Variants in CBR4 observed in about 807,000 individuals in gnomAD.
CBR4 encodes 3-oxoacyl-[acyl-carrier-protein] reductase.
Under a neutral mutation model 21.0 loss-of-function variants are expected in CBR4, and 22 were observed. The observed-to-expected ratio is 1.05, with a 90% confidence interval of 0.75 to 1.50. CBR4 has a LOEUF of 1.50. Ranked by LOEUF, CBR4 falls within the 40% of genes most tolerant of loss-of-function variation. The pLI is 0.00. For synonymous variants in CBR4, 100 were observed against 104.4 expected (o/e 0.96, Z 0.26); for missense variants, 302 against 286.3 (o/e 1.05, Z -0.40).
chr4:168,894,570 G>T (rs368890611), exon 3 of CBR4: 1 of 1,590,448 alleles, frequency 6.3e-7, no homozygotes, highest in Non-Finnish European at 8.6e-7. Context: ...TGTGACTTAC[G>T]TTGTTTAGAG....
At position 168,967,683 on chromosome 4, in the gene CBR4, G is replaced by A. The variant is rs111826726; in HGVS notation, n.169+34388C>T. Among the ~76,000 whole-genome samples the A allele has an allele frequency of 5.8e-3, 887 of 152,274 alleles. 8 individuals carry two copies. The highest frequency in any genetic ancestry group is 5.8e-3 in the Admixed American group (89 of 15,292). Reference sequence around the variant, plus strand: ...TTAAAAATTGTGCAGCACACTAAAAGCCATTCAGTCTGTACTGGAGCAGGT... The same window carrying A: ...TTAAAAATTGTGCAGCACACTAAAAACCATTCAGTCTGTACTGGAGCAGGT... On this transcript the variant is annotated intron_variant and non_coding_transcript_variant, in intron 2 of 3. Transcript: ENST00000509108.
At chr4:168,941,121 G>A (rs184098561) in intron 2 of CBR4, among the ~76,000 whole-genome samples, 17 of 152,236 alleles carry the variant, frequency 1.1e-4, no homozygotes, top group African/African-American at 3.6e-4. Context: ...ACTCATAAGT[G>A]GGAGTTGAAA....
At chr4:168,935,145 G>T (rs540285497) in intron 2 of CBR4, among the ~76,000 whole-genome samples, 3 of 152,310 alleles carry the variant, frequency 2.0e-5, no homozygotes, top group African/African-American at 7.2e-5. Context: ...GCAGGGTGGG[G>T]TGTCACCTCA....
chr4:168,900,722 T>A (rs1756327996), intron 2 of CBR4, among the ~76,000 whole-genome samples: 1 of 152,200 alleles, frequency 6.6e-6, no homozygotes, highest in African/African-American at 2.4e-5. Flanking sequence ...ATGGGATTTT[T>A]AAAATAAACT....
chr4:168,985,130 T>G (rs1206773783), downstream of CBR4, among the ~76,000 whole-genome samples: 1 of 151,994 alleles, frequency 6.6e-6, no homozygotes, highest in African/African-American at 2.4e-5. Context: ...AATGGGAGAA[T>G]ATATTTGCAA....
rs1211860401 is a variant in CBR4, at chr4:169,010,220, A to T, written c.-131T>A. On this transcript the variant is annotated 5_prime_UTR_variant, in exon 1 of 5. Coordinates refer to ENST00000306193, the MANE Select transcript of CBR4 (RefSeq NM_032783.5). ...AAAAAGGCAAACCGCAAAAAAAAAT[A>T]ACGCCGCTCGACACCTCCTGCAGCC... 1.8e-5 allele frequency: 14 copies of T among 791,184 alleles called. No individual in the cohort carries two copies. The highest frequency in any genetic ancestry group is 3.5e-5 in the African/African-American group (2 of 56,580). The allele number at this position is 791,184 out of a possible 1,614,324, so 49.0% of individuals were successfully genotyped here. A position where few individuals can be genotyped will look rare whatever the true frequency, so the allele number is the denominator to read the frequency against.
chr4:168,988,078 A>G lies in CBR4; in HGVS notation c.*2072T>C. On this transcript the variant is annotated 3_prime_UTR_variant, in exon 5 of 5. Coordinates refer to ENST00000306193, the MANE Select transcript of CBR4 (RefSeq NM_032783.5). ...CAGAATAGCAGATTTTAAAAAATGAATTCACTGAGGTTCTTAAACCTCTGA... is the reference window on the plus strand; with the variant it reads ...CAGAATAGCAGATTTTAAAAAATGAGTTCACTGAGGTTCTTAAACCTCTGA... 1.0e-6 allele frequency: 1 copy of G among 985,384 alleles called. No individual in the cohort carries two copies. Among genetic ancestry groups the G allele is most frequent in the Non-Finnish European group, 1.2e-6 (1 of 829,854 alleles). The allele number at this position is 985,384 out of a possible 1,614,324, so 61.0% of individuals were successfully genotyped here. A position where few individuals can be genotyped will look rare whatever the true frequency, so the allele number is the denominator to read the frequency against.
At chr4:168,936,486 C>T (rs560870551) in intron 2 of CBR4, among the ~76,000 whole-genome samples, 32 of 152,128 alleles carry the variant, frequency 2.1e-4, no homozygotes, top group Middle Eastern at 6.8e-3. Flanking sequence ...CAAACTCCTC[C>T]GAGCTGAAGG....
At chr4:168,926,639 GT>G (rs1461410430) in intron 2 of CBR4, 2 of 388,316 alleles carry the variant, frequency 5.2e-6, no homozygotes, top group African/African-American at 4.0e-5. Flanking sequence ...TGTGATTAAA[GT>G]GATCAAAATG....
intron 2 of CBR4, among the ~76,000 whole-genome samples, chr4:168,917,772 A>G (rs1230049567): frequency 6.6e-6 from 1 of 152,192 alleles, no homozygotes; most frequent in Non-Finnish European, 1.5e-5. Flanking sequence ...GTATAAATAC[A>G]CAAATTGTGT....
At chr4:168,904,905 T>C (rs1238231084) in intron 2 of CBR4, among the ~76,000 whole-genome samples, 1 of 151,992 alleles carries the variant, frequency 6.6e-6, no homozygotes. Flanking sequence ...GGCAGGTGGA[T>C]TGCCTCAGCC....
At chr4:169,000,338 T>A (rs935904405) in intron 4 of CBR4, among the ~76,000 whole-genome samples, 5 of 151,366 alleles carry the variant, frequency 3.3e-5, no homozygotes, top group African/African-American at 1.2e-4. Context: ...TTATCAAATA[T>A]TCATAGATTT....
intron 1 of CBR4, 138 bp from the exon 2 acceptor site, chr4:169,007,894 G>T: frequency 1.9e-6 from 1 of 515,160 alleles, no homozygotes; most frequent in Non-Finnish European, 3.2e-6. Flanking sequence ...ATGTCATGAG[G>T]CCTGGCTTTC....
rs1287631411 is a variant in CBR4 at position 168,949,954 on chromosome 4, TG to T, written n.169+52116del. Reference sequence around the variant, plus strand: ...TCTTTTGTATTTCCGTGTTGTCAGTTGTAATATCTCCCATTTCGTTTCTTAT... The same window carrying T: ...TCTTTTGTATTTCCGTGTTGTCAGTTTAATATCTCCCATTTCGTTTCTTAT... On this transcript the variant is annotated intron_variant and non_coding_transcript_variant, in intron 2 of 3. Transcript: ENST00000509108. 1.4e-4 allele frequency among the ~76,000 whole-genome samples: 22 copies of T among 152,318 alleles called. No individual in the cohort carries two copies. The East Asian group carries it at 4.0e-3, about 28-fold the overall frequency.
intron 2 of CBR4, among the ~76,000 whole-genome samples, chr4:168,979,522 G>A (rs1387538787): frequency 1.4e-5 from 2 of 148,112 alleles, no homozygotes. Flanking sequence ...TTGCCTGGTG[G>A]GGAAATCCCA....
intron 2 of CBR4, among the ~76,000 whole-genome samples, chr4:168,972,922 T>C (rs1011790820): frequency 6.6e-6 from 1 of 152,254 alleles, no homozygotes; most frequent in Non-Finnish European, 1.5e-5. Context: ...TTGTCATAGA[T>C]GGCTTTTATT....
At position 168,988,298 on chromosome 4, in the gene CBR4, G is replaced by A. The variant is rs969575251; in HGVS notation, c.*1852C>T. On this transcript the variant is annotated 3_prime_UTR_variant, in exon 5 of 5. Coordinates refer to ENST00000306193, the MANE Select transcript of CBR4 (RefSeq NM_032783.5). ...GGGAGGAGGTGGAATAGCTTAAAAG[G>A]TTATATTTCTTATTTTAAAGTATAA... is the stretch of plus-strand genomic sequence containing the variant. 2 of 984,602 alleles carry A rather than the reference G, an allele frequency of 2.0e-6. No homozygotes were observed. The highest frequency in any genetic ancestry group is 3.5e-5 in the African/African-American group (2 of 57,184). 61.0% of individuals were successfully genotyped at this position (984,602 alleles called of 1,614,324 possible). A position where few individuals can be genotyped will look rare whatever the true frequency, so the allele number is the denominator to read the frequency against.
chr4:168,965,160 C>A (rs1763981401), intron 2 of CBR4, among the ~76,000 whole-genome samples: 2 of 152,108 alleles, frequency 1.3e-5, no homozygotes, highest in African/African-American at 4.8e-5. Flanking sequence ...TTCACAATTA[C>A]TACAAAGAGA....
intron 3 of CBR4, among the ~76,000 whole-genome samples, chr4:169,004,487 T>C (rs942782120): frequency 6.6e-6 from 1 of 152,270 alleles, no homozygotes; most frequent in Non-Finnish European, 1.5e-5. Context: ...ATCCCTGCTA[T>C]TGCTTTATCA....
Sources: gnomAD v4.1 joint callset for allele counts (sites outside exome capture counted in the v4.1 genomes callset) on GRCh38, gnomAD v4.1.1 for gene constraint, MANE v1.5 for transcripts, NCBI Gene and HGNC (gene_info 2026-07-23, HGNC 2026-07-21) for gene names.